Variants in PHF10 observed in about 807,000 individuals in gnomAD.
PHF10 encodes the protein BRG1-associated factor 45a.
Under a neutral mutation model 68.5 loss-of-function variants are expected in PHF10, and 51 were observed. The observed-to-expected ratio is 0.74, with a 90% confidence interval of 0.59 to 0.94. The LOEUF (loss-of-function observed/expected upper bound fraction) is 0.94. Among genes scored for constraint, PHF10 ranks in the 40% least tolerant of loss-of-function variants. The pLI, the probability that PHF10 is intolerant of heterozygous loss-of-function variation, is 0.00. For missense variants in PHF10, 460 were observed against 602.6 expected (o/e 0.76, Z 2.48); for synonymous variants, 204 against 203.5 (o/e 1.00, Z -0.02).
intron 1 of PHF10, among the ~76,000 whole-genome samples, 178 bp downstream of exon 1, chr6:169,723,667 G>A (rs896319789): frequency 6.6e-6 from 1 of 151,770 alleles, no homozygotes; most frequent in Non-Finnish European, 1.5e-5. Context: ...TTGCTCGCTA[G>A]AGGCCGCGGG....
intron 10 of PHF10, 136 bp downstream of exon 10, chr6:169,705,480 T>G (rs962313500): frequency 4.2e-6 from 3 of 708,914 alleles, no homozygotes; most frequent in Non-Finnish European, 7.4e-6. Flanking sequence ...ACATGGGCTG[T>G]GTCTATGCCT....
Position 169,715,843 on chromosome 6 carries a change from C to A in PHF10, c.558G>T (p.Gln186His). 6.2e-7 allele frequency: 1 copy of A among 1,610,340 alleles called. No individual in the cohort carries two copies. Among genetic ancestry groups the A allele is most frequent in the Non-Finnish European group, 8.5e-7 (1 of 1,178,636 alleles). ...HYKEYSQMQQQNTQKVEASKV... is the reference protein window; with the variant it reads ...HYKEYSQMQQHNTQKVEASKV... ...TACTGGCTTCAACTTTCTGAGTATTCTGTTGTTGCATTTGCTGGAAAAAAA... is the reference window on the plus strand; with the variant it reads ...TACTGGCTTCAACTTTCTGAGTATTATGTTGTTGCATTTGCTGGAAAAAAA... Residue 186 changes from glutamine to histidine, a missense_variant, in exon 6 of 12, where the codon CAG becomes CAT. Around this residue, in one of 3 missense-constraint regions of PHF10, gnomAD observed 256 missense variants for 410.5 expected, o/e 0.62. Coordinates refer to ENST00000339209, the MANE Select transcript of PHF10 (RefSeq NM_018288.4).
At chr6:169,721,833 A>AT (rs1261511832) in intron 1 of PHF10, among the ~76,000 whole-genome samples, 3 of 152,242 alleles carry the variant, frequency 2.0e-5, no homozygotes, top group African/African-American at 7.2e-5. Context: ...AAAAATCATA[A>AT]TTTTTTAATG....
At chr6:169,707,943 G>A (rs964665475) in intron 9 of PHF10, 2 of 152,112 alleles carry the variant, frequency 1.3e-5, no homozygotes, top group Non-Finnish European at 2.9e-5. Context: ...TGGCATCCAG[G>A]ACTTTACACA....
chr6:169,707,600 T>C (rs980518893), intron 9 of PHF10: 11 of 152,064 alleles, frequency 7.2e-5, no homozygotes, highest in African/African-American at 2.7e-4. Flanking sequence ...AAAACAGAAC[T>C]CCTCACAGGA....
chr6:169,710,365 T>C lies in PHF10; in HGVS notation c.984A>G (p.Glu328=). ...CCTGGCTGTCAGGAGGGCTTTCCCCTTCAGATACATTGCCAGAGGAGCTGT... is the reference window on the plus strand; with the variant it reads ...CCTGGCTGTCAGGAGGGCTTTCCCCCTCAGATACATTGCCAGAGGAGCTGT... ...TSDSSSGNVS[E]GESPPDSQED... is the part of the protein sequence containing the mutation. The change falls in exon 9 of 12, where the codon GAA becomes GAG. Residue 328 remains glutamate, a synonymous_variant. Coordinates refer to ENST00000339209, the MANE Select transcript of PHF10 (RefSeq NM_018288.4). 1 of 1,612,324 alleles carries C rather than the reference T, an allele frequency of 6.2e-7. No homozygotes were observed. The highest frequency in any genetic ancestry group is 1.1e-5 in the South Asian group (1 of 91,016).
intron 7 of PHF10, among the ~76,000 whole-genome samples, chr6:169,714,083 C>G (rs1248982500): frequency 2.0e-5 from 3 of 151,600 alleles, no homozygotes; most frequent in Non-Finnish European, 2.9e-5. Context: ...ATCACACTAC[C>G]ACACTCCATC....
chr6:169,723,447 G>A (rs1453904142), intron 1 of PHF10, among the ~76,000 whole-genome samples: 1 of 152,216 alleles, frequency 6.6e-6, no homozygotes, highest in African/African-American at 2.4e-5. Flanking sequence ...TTTGCAGTAA[G>A]CGTTCAAACA....
At chr6:169,720,009 T>C (rs1789139897) in intron 2 of PHF10, among the ~76,000 whole-genome samples, 1 of 151,830 alleles carries the variant, frequency 6.6e-6, no homozygotes, top group Admixed American at 6.6e-5. Context: ...ACAAAGAACT[T>C]GAATAGACAT....
At position 169,717,885 on chromosome 6, in the gene PHF10, G is replaced by C. The variant is rs1257682302; in HGVS notation, c.347C>G (p.Ser116Cys). 3 of 1,560,748 alleles carry C rather than the reference G, an allele frequency of 1.9e-6. No homozygotes were observed. Among genetic ancestry groups the C allele is most frequent in the Non-Finnish European group, 2.6e-6 (3 of 1,137,850 alleles). ...KYPDLERRDL[S>C]HKEKLYLREL... ...TCTCAGGTAGAGTTTCTCCTTGTGA[G>C]ACAAATCTCGTCGCTCTAAATCTCC... Residue 116 changes from serine (S) to cysteine (C), a missense_variant, in exon 4 of 12, where the codon TCT becomes TGT. By Grantham distance (112) the Ser-to-Cys change is moderately radical. Coordinates refer to ENST00000339209, the MANE Select transcript of PHF10 (RefSeq NM_018288.4).
intron 11 of PHF10, 164 bp from the exon 12 acceptor site, chr6:169,704,252 CTT>C (rs1411371952): frequency 2.0e-5 from 11 of 554,612 alleles, no homozygotes; most frequent in African/African-American, 4.0e-5. Context: ...AAAATGTAAA[CTT>C]AATCAATGTA....
In PHF10 at chr6:169,705,186, A is replaced by G. The variant is rs1182368085; in HGVS notation, c.1358T>C (p.Met453Thr). The G allele has an allele frequency of 3.7e-6, 6 of 1,613,652 alleles. No homozygotes were observed. The highest frequency in any genetic ancestry group is 4.2e-6 in the Non-Finnish European group (5 of 1,179,734). Residue 453 changes from methionine to threonine, a missense_variant, in exon 11 of 12, where the codon ATG becomes ACG. Met to Thr is a moderately conservative substitution (Grantham distance 81). Transcript: ENST00000339209. Reference protein sequence around the residue: ...HHEEEMMFCDMCDRGYHTFCV... With the variant: ...HHEEEMMFCDTCDRGYHTFCV... ...AAAAGTATGATAACCTCTGTCACAC[A>G]TATCACAGAACATCATTTCTTCTTC...
At chr6:169,719,627 C>T (rs962924780) in intron 2 of PHF10, among the ~76,000 whole-genome samples, 1 of 152,138 alleles carries the variant, frequency 6.6e-6, no homozygotes, top group African/African-American at 2.4e-5. Context: ...TGCTGGGAAA[C>T]TGGGTATCCA....
At chr6:169,713,929 C>G (rs1788985118) in intron 7 of PHF10, among the ~76,000 whole-genome samples, 1 of 152,124 alleles carries the variant, frequency 6.6e-6, no homozygotes, top group South Asian at 2.1e-4. Context: ...CAAGAGCATC[C>G]TGGCCAACAT....
chr6:169,704,116 G>A, intron 11 of PHF10, 28 bp from the exon 12 acceptor site: 4 of 1,536,866 alleles, frequency 2.6e-6, no homozygotes, highest in South Asian at 1.2e-5. Flanking sequence ...AATATAGAAT[G>A]AAAAATTATC....
intron 8 of PHF10, 23 bp downstream of exon 8, chr6:169,712,363 C>T (rs776741062): frequency 1.9e-6 from 3 of 1,605,014 alleles, no homozygotes; most frequent in African/African-American, 1.3e-5. Context: ...GAAATGCTTC[C>T]TACTAGAGAG....
chr6:169,705,487 G>A lies in PHF10; in HGVS notation c.1222+129C>T. ...AGGAAAACACATGGGCTGTGTCTAT[G>A]CCTCACAAGCTACCCTGTGTATTTA... is the stretch of plus-strand genomic sequence containing the variant. On this transcript the variant is annotated intron_variant, in intron 10 of 11. Coordinates refer to ENST00000339209, the MANE Select transcript of PHF10 (RefSeq NM_018288.4). The A allele has an allele frequency of 4.2e-6, 3 of 715,360 alleles. No individual in the cohort carries two copies. The South Asian group carries it at 5.1e-5, about 12-fold the overall frequency. 44.3% of individuals were successfully genotyped at this position (715,360 alleles called of 1,614,324 possible). A position where few individuals can be genotyped will look rare whatever the true frequency, so the allele number is the denominator to read the frequency against.
rs1410085391 is a variant in PHF10, at chr6:169,715,693, T to A, written c.693+15A>T. 1 of 1,607,648 alleles carries A rather than the reference T, an allele frequency of 6.2e-7. No individual in the cohort carries two copies. Among genetic ancestry groups the A allele is most frequent in the Admixed American group, 1.7e-5 (1 of 59,556 alleles). ...TAAACTAAGTTCAGGGGGTACTAAATTTAAGTTATCCTACATGTGTCTGCA... is the reference window on the plus strand; with the variant it reads ...TAAACTAAGTTCAGGGGGTACTAAAATTAAGTTATCCTACATGTGTCTGCA... On this transcript the variant is annotated intron_variant, in intron 6 of 11. Coordinates refer to ENST00000339209, the MANE Select transcript of PHF10 (RefSeq NM_018288.4).
Position 169,712,371 on chromosome 6 carries a change from G to T in PHF10, c.957+15C>A. ...GAGAAAGGAAATGCTTCCTACTAGA[G>T]AGAAATGTTCTCACCGAAGTGCCTT... On this transcript the variant is annotated intron_variant, in intron 8 of 11. Coordinates refer to ENST00000339209, the MANE Select transcript of PHF10 (RefSeq NM_018288.4). The T allele has an allele frequency of 6.2e-7, 1 of 1,609,952 alleles. No individual in the cohort carries two copies. The highest frequency in any genetic ancestry group is 1.1e-5 in the South Asian group (1 of 90,872).
Sources: allele counts gnomAD v4.1 joint callset (sites outside exome capture counted in the v4.1 genomes callset), GRCh38; gene constraint gnomAD v4.1.1; regional missense constraint gnomAD v4.1.1; transcripts MANE v1.5; gene names NCBI Gene and HGNC (gene_info 2026-07-23, HGNC 2026-07-21).